NECAP2: variants seen among roughly 807,000 people sequenced by gnomAD.
NECAP2 encodes NECAP endocytosis associated 2.
Under a neutral mutation model 37.8 loss-of-function variants are expected in NECAP2, and 38 were observed. The ratio of observed to expected loss-of-function variants is 1.01; its 90% confidence interval spans 0.78 to 1.32. NECAP2 has a LOEUF of 1.32. NECAP2 is among the 40% of genes most tolerant of loss of function. NECAP2 has a pLI of 0.00. For synonymous variants in NECAP2, 121 were observed against 127.7 expected (o/e 0.95, Z 0.35); for missense variants, 316 against 334.5 (o/e 0.94, Z 0.43).
rs771771979 is a variant in NECAP2, at chr1:16,447,982, T to C, written c.298+8T>C. 3.1e-6 allele frequency: 5 copies of C among 1,613,788 alleles called. No individual in the cohort carries two copies. The highest frequency in any genetic ancestry group is 3.4e-6 in the Non-Finnish European group (4 of 1,179,754). Reference sequence around the variant, plus strand: ...GCATCGAAGATGGAAATGGTAGGCATGGGTCCTGGTGCTTCCTCCTCTTGG... The same window carrying C: ...GCATCGAAGATGGAAATGGTAGGCACGGGTCCTGGTGCTTCCTCCTCTTGG... On this transcript the variant is annotated splice_region_variant and intron_variant, in intron 3 of 7. Coordinates refer to ENST00000337132, the MANE Select transcript of NECAP2 (RefSeq NM_018090.5).
At chr1:16,445,083 C>G (rs1246356504) in intron 2 of NECAP2, among the ~76,000 whole-genome samples, 1 of 152,198 alleles carries the variant, frequency 6.6e-6, no homozygotes, top group Non-Finnish European at 1.5e-5. Context: ...CTCGGCCTCC[C>G]AAAGTGTTGG....
chr1:16,449,416 A>T (rs2086809432), intron 5 of NECAP2: 1 of 518,150 alleles, frequency 1.9e-6, no homozygotes, highest in Non-Finnish European at 3.4e-6. Flanking sequence ...TGTGATAACA[A>T]CATGGCAGGA....
At chr1:16,443,221 A>G (rs138823874) in intron 1 of NECAP2, among the ~76,000 whole-genome samples, 106 of 152,370 alleles carry the variant, frequency 7.0e-4, no homozygotes, top group African/African-American at 2.4e-3. Flanking sequence ...GGGGTCACCA[A>G]GTGACAACCC....
At chr1:16,444,873 A>T (rs2086737040) in intron 2 of NECAP2, among the ~76,000 whole-genome samples, 1 of 152,174 alleles carries the variant, frequency 6.6e-6, no homozygotes, top group Non-Finnish European at 1.5e-5. Flanking sequence ...CCCAGGCTGG[A>T]GTGCAGTGGC....
chr1:16,445,076 G>A (rs1012950370), intron 2 of NECAP2, among the ~76,000 whole-genome samples: 4 of 152,084 alleles, frequency 2.6e-5, no homozygotes, highest in African/African-American at 7.2e-5. Flanking sequence ...CGCCCACCTC[G>A]GCCTCCCAAA....
At chr1:16,446,163 G>A (rs1161026321) in intron 2 of NECAP2, among the ~76,000 whole-genome samples, 1 of 152,196 alleles carries the variant, frequency 6.6e-6, no homozygotes, top group Non-Finnish European at 1.5e-5. Flanking sequence ...AGCCGAGATC[G>A]TGCCGTTGCA....
At chr1:16,456,869 T>C (rs2086928558) in intron 7 of NECAP2, among the ~76,000 whole-genome samples, 1 of 152,120 alleles carries the variant, frequency 6.6e-6, no homozygotes, top group East Asian at 1.9e-4. Context: ...GCCAGCTATT[T>C]TTTGTATTTT....
chr1:16,442,409 C>T (rs1292838216), intron 1 of NECAP2, among the ~76,000 whole-genome samples: 2 of 152,152 alleles, frequency 1.3e-5, no homozygotes, highest in Admixed American at 1.3e-4. Context: ...TTGGAGCTCT[C>T]CTTAGCCTGA....
At position 16,455,798 on chromosome 1, in the gene NECAP2, G is replaced by A. The variant is rs771039589; in HGVS notation, c.668-20G>A. The A allele has an allele frequency of 1.0e-5, 16 of 1,606,710 alleles. No homozygotes were observed. Among genetic ancestry groups the A allele is most frequent in the Admixed American group, 1.7e-5 (1 of 59,972 alleles). The stretch of plus-strand genomic sequence containing the variant: ...GTCCCCTCTTCTCTTCCTACGGGTC[G>A]GACTCGGGAACATCAATAGGAGGTG... On this transcript the variant is annotated intron_variant, in intron 6 of 7. Transcript: ENST00000337132.
chr1:16,440,763 TGGA>T lies in NECAP2; in HGVS notation c.7_9del (p.Glu3?), dbSNP rs1557683272. The T allele has an allele frequency of 1.5e-5, 24 of 1,613,722 alleles. No individual in the cohort carries two copies. The highest frequency in any genetic ancestry group is 2.0e-5 in the Non-Finnish European group (24 of 1,179,780). On this transcript the variant is annotated start_lost and inframe_deletion, in exon 1 of 8. Coordinates refer to ENST00000337132, the MANE Select transcript of NECAP2 (RefSeq NM_018090.5). ...GTTCGGTGGGCTCCAGGCGTCGCGA[TGGA>T]GGAGAGCGGGTACGAGTCGGTGCTC...
chr1:16,458,016 T>C (rs1035918281), intron 7 of NECAP2, among the ~76,000 whole-genome samples: 2 of 152,010 alleles, frequency 1.3e-5, no homozygotes, highest in Non-Finnish European at 2.9e-5. Context: ...TGGCCCAAAA[T>C]ATAGTAATTA....
chr1:16,447,361 G>A (rs1438036710), intron 2 of NECAP2, among the ~76,000 whole-genome samples: 2 of 152,118 alleles, frequency 1.3e-5, no homozygotes, highest in Non-Finnish European at 2.9e-5. Flanking sequence ...AATTAAATCA[G>A]CCTGCTTCAG....
chr1:16,444,855 C>G (rs1220206115), intron 2 of NECAP2, among the ~76,000 whole-genome samples: 1 of 152,180 alleles, frequency 6.6e-6, no homozygotes, highest in Non-Finnish European at 1.5e-5. Flanking sequence ...TGGAGTCTTG[C>G]TCTGTCACCC....
rs2086986124 is a variant in NECAP2 at position 16,459,675 on chromosome 1, G to C, written c.*785G>C. ...CAAGGCGGGTGCTGGAAGCCAGACG[G>C]AACAGTGTTGGGGCAGGAAGGTGGA... On this transcript the variant is annotated 3_prime_UTR_variant, in exon 8 of 8. Coordinates refer to ENST00000337132, the MANE Select transcript of NECAP2 (RefSeq NM_018090.5). 6.6e-6 allele frequency: 1 copy of C among 152,450 alleles called. No homozygotes were observed. Among genetic ancestry groups the C allele is most frequent in the Admixed American group, 6.5e-5 (1 of 15,274 alleles). The allele number at this position is 152,450 out of a possible 1,614,324, so 9.4% of individuals were successfully genotyped here.
rs372889981 is a variant in NECAP2, at chr1:16,449,945, G to A, written c.489+744G>A. 32 of 293,038 alleles carry A rather than the reference G, an allele frequency of 1.1e-4. 2 individuals carry two copies. The highest frequency in any genetic ancestry group is 9.0e-4 in the South Asian group (31 of 34,620). 18.2% of individuals were successfully genotyped at this position (293,038 alleles called of 1,614,324 possible). ...GGTGGAGAGGGGAGATGAGGTCAGA[G>A]TCATGATTGCGGGGACCCAAGGACC... On this transcript the variant is annotated intron_variant, in intron 5 of 7. Coordinates refer to ENST00000337132, the MANE Select transcript of NECAP2 (RefSeq NM_018090.5).
chr1:16,455,283 G>A (rs1472813265), intron 6 of NECAP2, among the ~76,000 whole-genome samples: 1 of 152,196 alleles, frequency 6.6e-6, no homozygotes, highest in Non-Finnish European at 1.5e-5. Flanking sequence ...TTGAGCTTCT[G>A]TGTGAGCTCT....
chr1:16,455,300 T>G (rs1397753964), intron 6 of NECAP2, among the ~76,000 whole-genome samples: 1 of 152,226 alleles, frequency 6.6e-6, no homozygotes, highest in Non-Finnish European at 1.5e-5. Context: ...CTCTTTGGAA[T>G]GCTCTTCCTG....
In NECAP2 at chr1:16,440,812, C is replaced by A; in HGVS notation, c.51C>A (p.His17Gln). The A allele has an allele frequency of 6.2e-7, 1 of 1,614,154 alleles. No individual in the cohort carries two copies. Among genetic ancestry groups the A allele is most frequent in the Admixed American group, 1.7e-5 (1 of 60,024 alleles). The change falls in exon 1 of 8, where the codon CAC becomes CAA. Residue 17 changes from histidine (H) to glutamine (Q), a missense_variant. By Grantham distance (24) the His-to-Gln change is conservative (BLOSUM62 0). Around this residue, in one of 3 missense-constraint regions of NECAP2, gnomAD observed 31 missense variants for 21.7 expected, o/e 1.43. Coordinates refer to ENST00000337132, the MANE Select transcript of NECAP2 (RefSeq NM_018090.5). ...ESVLCVKPDV[H>Q]VYRIPPRATN... ...TGCTCTGTGTCAAGCCTGACGTCCA[C>A]GTCTACCGCATCCCTCCGCGGGCTA...
At chr1:16,458,750 A>G in intron 7 of NECAP2, 92 bp from the exon 8 acceptor site, 1 of 1,356,106 alleles carries the variant, frequency 7.4e-7, no homozygotes, top group East Asian at 2.3e-5. Context: ...GGCTTCTTAG[A>G]GCTTTTTCTG....
Sources: allele counts gnomAD v4.1 joint callset (sites outside exome capture counted in the v4.1 genomes callset), GRCh38; gene constraint gnomAD v4.1.1; regional missense constraint gnomAD v4.1.1; transcripts MANE v1.5; gene names NCBI Gene and HGNC (gene_info 2026-07-23, HGNC 2026-07-21).